Variants in CSMD1 observed in about 807,000 individuals in gnomAD.
The protein encoded by CSMD1 is CUB and Sushi multiple domains 1, also known as CUB and sushi domain-containing protein 1.
Under a neutral mutation model 417.5 loss-of-function variants are expected in CSMD1, and 213 were observed. That is an observed-to-expected ratio of 0.51 (90% CI 0.46 to 0.57). The LOEUF is 0.57. CSMD1 is among the 20% of genes least tolerant of loss of function. The pLI is 0.00. For missense variants in CSMD1, 6,923 were observed against 4,529.7 expected (o/e 1.53, Z -15.17); for synonymous variants, 2,862 against 1,736.8 (o/e 1.65, Z -16.11).
chr8:3,664,070 T>A (rs1487386008), intron 7 of CSMD1, among the ~76,000 whole-genome samples: 2 of 152,194 alleles, frequency 1.3e-5, no homozygotes, highest in Non-Finnish European at 1.5e-5. Flanking sequence ...CTAGGGTACA[T>A]GTGCACAATG....
At chr8:3,320,523 T>A (rs549433193) in intron 23 of CSMD1, among the ~76,000 whole-genome samples, 9 of 152,334 alleles carry the variant, frequency 5.9e-5, no homozygotes, top group Admixed American at 5.9e-4. Flanking sequence ...AGGCTGATAC[T>A]TTTTTTATTC....
chr8:4,792,932 G>C (rs1296200942), intron 1 of CSMD1, among the ~76,000 whole-genome samples: 3 of 151,574 alleles, frequency 2.0e-5, no homozygotes, highest in African/African-American at 4.9e-5. Context: ...TGATTAAAAA[G>C]GGATGCAAAT....
chr8:3,463,437 C>G (rs1016668563), intron 12 of CSMD1, among the ~76,000 whole-genome samples: 2 of 152,222 alleles, frequency 1.3e-5, no homozygotes, highest in South Asian at 2.1e-4. Flanking sequence ...GTCAACTGAG[C>G]ATTCCCACAA....
intron 2 of CSMD1, among the ~76,000 whole-genome samples, chr8:4,545,855 T>G (rs890164575): frequency 6.6e-6 from 1 of 152,200 alleles, no homozygotes; most frequent in South Asian, 2.1e-4. Context: ...GGAAGATCAT[T>G]TCATCAGGTG....
chr8:3,017,642 G>A (rs1436052869), intron 52 of CSMD1, among the ~76,000 whole-genome samples: 1 of 151,776 alleles, frequency 6.6e-6, no homozygotes, highest in East Asian at 1.9e-4. Context: ...TTTCTCTAGG[G>A]TTACTACTGT....
chr8:3,957,252 G>A (rs955073453), intron 5 of CSMD1, among the ~76,000 whole-genome samples: 1 of 152,198 alleles, frequency 6.6e-6, no homozygotes, highest in Non-Finnish European at 1.5e-5. Flanking sequence ...TTTGTGTGTA[G>A]GTTTCACTAT....
At chr8:3,449,501 C>T (rs1585181185) in intron 12 of CSMD1, among the ~76,000 whole-genome samples, 1 of 151,374 alleles carries the variant, frequency 6.6e-6, no homozygotes, top group Admixed American at 6.6e-5. Flanking sequence ...ACAAAATGAA[C>T]ATACCTCTCA....
At chr8:4,759,121 G>A (rs758807199) in intron 1 of CSMD1, among the ~76,000 whole-genome samples, 3 of 152,192 alleles carry the variant, frequency 2.0e-5, no homozygotes, top group Non-Finnish European at 4.4e-5. Context: ...TTGGGCTGAG[G>A]GAGAAGGTGA....
Position 4,112,199 on chromosome 8 carries a change from G to C in CSMD1, c.416-80100C>G, listed in dbSNP as rs73658576. 9.8e-3 allele frequency among the ~76,000 whole-genome samples: 1,492 copies of C among 152,226 alleles called. 19 individuals are homozygous for C. Among genetic ancestry groups the C allele is most frequent in the African/African-American group, 0.033 (1,373 of 41,546 alleles). On this transcript the variant is annotated intron_variant, in intron 3 of 69. Transcript: ENST00000635120. ...ATAGCTGCTGAGCCATAATTATCAA[G>C]AACCAGTAACACCTCTTTCAGGGGT...
chr8:4,140,599 T>G (rs1485172127), intron 3 of CSMD1, among the ~76,000 whole-genome samples: 1 of 150,654 alleles, frequency 6.6e-6, no homozygotes, highest in Non-Finnish European at 1.5e-5. Flanking sequence ...ACCCAAGAGG[T>G]CAAGGCTGCA....
At chr8:4,336,510 C>G (rs1800181962) in intron 3 of CSMD1, among the ~76,000 whole-genome samples, 1 of 152,108 alleles carries the variant, frequency 6.6e-6, no homozygotes, top group Non-Finnish European at 1.5e-5. Flanking sequence ...TACATGGTGC[C>G]TGGCCAATAA....
At chr8:3,672,054 T>G (rs1254849777) in intron 7 of CSMD1, among the ~76,000 whole-genome samples, 1 of 152,126 alleles carries the variant, frequency 6.6e-6, no homozygotes, top group East Asian at 1.9e-4. Context: ...ATTAACAAAG[T>G]CAACATCTTA....
chr8:3,892,319 A>C (rs1207942819), intron 5 of CSMD1, among the ~76,000 whole-genome samples: 1 of 152,142 alleles, frequency 6.6e-6, no homozygotes, highest in Non-Finnish European at 1.5e-5. Flanking sequence ...TGAAAAGGGA[A>C]ACTGTCTTCA....
At position 4,547,835 on chromosome 8, in the gene CSMD1, G is replaced by C. The variant is rs564270170; in HGVS notation, c.302+89507C>G. The stretch of plus-strand genomic sequence containing the variant: ...GGCAGAGAGAAACAAGAATGGTTAG[G>C]TTTTGTTGTTGTTGCACGGGGATTG... On this transcript the variant is annotated intron_variant, in intron 2 of 69. Transcript: ENST00000635120. 8.5e-4 allele frequency among the ~76,000 whole-genome samples: 129 copies of C among 152,280 alleles called. 1 individual carries two copies. The highest frequency in any genetic ancestry group is 2.9e-3 in the African/African-American group (119 of 41,562).
At chr8:3,333,414 C>A (rs1807034682) in intron 23 of CSMD1, among the ~76,000 whole-genome samples, 1 of 152,184 alleles carries the variant, frequency 6.6e-6, no homozygotes. Flanking sequence ...TACAAGTTAA[C>A]TGTGGGAAAA....
At chr8:3,746,271 G>A (rs1011992181) in intron 6 of CSMD1, among the ~76,000 whole-genome samples, 1 of 152,172 alleles carries the variant, frequency 6.6e-6, no homozygotes, top group Non-Finnish European at 1.5e-5. Flanking sequence ...AACAATTTAC[G>A]AAGGGATTGA....
intron 5 of CSMD1, among the ~76,000 whole-genome samples, chr8:3,792,705 C>T (rs1424926864): frequency 1.3e-5 from 2 of 152,132 alleles, no homozygotes; most frequent in South Asian, 4.1e-4. Flanking sequence ...AAAATTGACA[C>T]AGTCAAGTTG....
intron 3 of CSMD1, among the ~76,000 whole-genome samples, chr8:4,033,067 T>C (rs1797432473): frequency 6.7e-6 from 1 of 149,048 alleles, no homozygotes; most frequent in Non-Finnish European, 1.5e-5. Context: ...AACCCAGACA[T>C]TCCTCTCTAT....
At chr8:4,784,514 G>A (rs981983809) in intron 1 of CSMD1, among the ~76,000 whole-genome samples, 2 of 152,306 alleles carry the variant, frequency 1.3e-5, no homozygotes, top group East Asian at 3.9e-4. Flanking sequence ...TTCACTGGAT[G>A]AGAGGAGACA....
Sources: gnomAD v4.1 joint callset for allele counts (sites outside exome capture counted in the v4.1 genomes callset) on GRCh38, gnomAD v4.1.1 for gene constraint, MANE v1.5 for transcripts, NCBI Gene and HGNC (gene_info 2026-07-23, HGNC 2026-07-21) for gene names.